PINX1: variants seen among roughly 807,000 people sequenced by gnomAD.
The protein encoded by PINX1 is PIN2/TERF1-interacting telomerase inhibitor 1.
In PINX1, 34 loss-of-function variants were observed where a neutral mutation model predicts 25.4. The observed-to-expected ratio is 1.34, with a 90% CI of 1.02 to 1.78. PINX1 has a LOEUF of 1.78. Among genes scored for constraint, PINX1 ranks in the 40% most tolerant of loss-of-function variants. PINX1 has a pLI of 0.00. For synonymous variants in PINX1, 197 were observed against 147.7 expected, an observed-to-expected ratio of 1.33 and a Z score of -2.42; for missense variants, 592 against 404.9, an observed-to-expected ratio of 1.46 and a Z score of -3.97.
At chr8:10,794,053 A>C (rs1298092745) in intron 6 of PINX1, among the ~76,000 whole-genome samples, 1 of 152,238 alleles carries the variant, frequency 6.6e-6, no homozygotes, top group Non-Finnish European at 1.5e-5. Context: ...AACAAATGTA[A>C]ACTGTTTTAA....
At chr8:10,780,077 T>C (rs1249625838) in intron 6 of PINX1, among the ~76,000 whole-genome samples, 1 of 152,268 alleles carries the variant, frequency 6.6e-6, no homozygotes, top group East Asian at 1.9e-4. Context: ...TCATGTATCC[T>C]GCAACTTTAC....
chr8:10,794,140 AG>A (rs1802010318), intron 6 of PINX1, among the ~76,000 whole-genome samples: 2 of 152,370 alleles, frequency 1.3e-5, no homozygotes, highest in Admixed American at 1.3e-4. Context: ...TTCAAAAGTG[AG>A]AACGTTATGA....
At chr8:10,770,181 T>C (rs1431799294) in intron 6 of PINX1, among the ~76,000 whole-genome samples, 3 of 152,242 alleles carry the variant, frequency 2.0e-5, no homozygotes, top group African/African-American at 7.2e-5. Context: ...GCTGGACAGC[T>C]TCCACCTGGA....
intron 6 of PINX1, among the ~76,000 whole-genome samples, chr8:10,819,212 A>C (rs1457097109): frequency 6.6e-6 from 1 of 152,242 alleles, no homozygotes; most frequent in Non-Finnish European, 1.5e-5. Context: ...GGAATCATCT[A>C]ATGAGACTTC....
At chr8:10,823,506 A>C (rs975865438) in intron 5 of PINX1, among the ~76,000 whole-genome samples, 1 of 151,934 alleles carries the variant, frequency 6.6e-6, no homozygotes, top group Admixed American at 6.5e-5. Context: ...ATCTGCAGAG[A>C]CCTTTTGCAT....
intron 6 of PINX1, among the ~76,000 whole-genome samples, chr8:10,777,518 T>C (rs540750255): frequency 6.6e-6 from 1 of 152,276 alleles, no homozygotes; most frequent in East Asian, 1.9e-4. Context: ...GCACCATGGC[T>C]GGCAATGAAC....
chr8:10,772,617 C>T (rs986858483), intron 6 of PINX1, among the ~76,000 whole-genome samples: 8 of 152,184 alleles, frequency 5.3e-5, no homozygotes, highest in Admixed American at 5.2e-4. Context: ...TGAGCAGCCT[C>T]GGGGAATTTG....
intron 6 of PINX1, among the ~76,000 whole-genome samples, chr8:10,791,383 C>T (rs117206435): frequency 0.012 from 1,780 of 152,290 alleles, 106 homozygotes; most frequent in Admixed American, 0.094. Flanking sequence ...ATGCTCAGTA[C>T]ACAGCATCCT....
At chr8:10,789,753 A>G (rs1340047679) in intron 6 of PINX1, among the ~76,000 whole-genome samples, 5 of 152,126 alleles carry the variant, frequency 3.3e-5, no homozygotes, top group Non-Finnish European at 7.3e-5. Flanking sequence ...CCTGCTTTTG[A>G]GACAGACAGG....
At chr8:10,836,695 G>A (rs1057313009) in intron 1 of PINX1, among the ~76,000 whole-genome samples, 20 of 150,846 alleles carry the variant, frequency 1.3e-4, no homozygotes, top group African/African-American at 3.9e-4. Flanking sequence ...TTGGGGGGGC[G>A]GGGGGTGGCA....
intron 6 of PINX1, among the ~76,000 whole-genome samples, chr8:10,814,191 T>C (rs898722089): frequency 1.3e-5 from 2 of 152,142 alleles, no homozygotes. Flanking sequence ...CAAATCAATA[T>C]ACAACAAAGA....
At chr8:10,788,310 C>T (rs919999951) in intron 6 of PINX1, among the ~76,000 whole-genome samples, 2 of 152,108 alleles carry the variant, frequency 1.3e-5, no homozygotes, top group African/African-American at 2.4e-5. Context: ...ATCTGTAATC[C>T]CAGCACTCTG....
chr8:10,804,985 C>T (rs187364159), intron 6 of PINX1, among the ~76,000 whole-genome samples: 2 of 151,988 alleles, frequency 1.3e-5, no homozygotes, highest in African/African-American at 2.4e-5. Flanking sequence ...GTTCACACCT[C>T]GGAATGAAGT....
chr8:10,818,255 G>C (rs545836893), intron 6 of PINX1, among the ~76,000 whole-genome samples: 8 of 152,252 alleles, frequency 5.3e-5, no homozygotes, highest in Admixed American at 5.2e-4. Context: ...ACACACACTG[G>C]ACCAAAAGAG....
chr8:10,819,537 G>C (rs183178827), intron 6 of PINX1, among the ~76,000 whole-genome samples: 1 of 152,136 alleles, frequency 6.6e-6, no homozygotes, highest in East Asian at 1.9e-4. Context: ...CTATATCCAG[G>C]GCTGTCTCTT....
At chr8:10,782,714 C>T (rs1356508725) in intron 6 of PINX1, among the ~76,000 whole-genome samples, 1 of 152,034 alleles carries the variant, frequency 6.6e-6, no homozygotes, top group Admixed American at 6.6e-5. Context: ...TCAACCTGGG[C>T]AACAAAGTGA....
intron 6 of PINX1, among the ~76,000 whole-genome samples, chr8:10,770,496 G>C (rs139336447): frequency 1.3e-5 from 2 of 152,334 alleles, no homozygotes; most frequent in East Asian, 3.9e-4. Flanking sequence ...CAGAATTAAA[G>C]TCTGTTCTGC....
intron 6 of PINX1, among the ~76,000 whole-genome samples, chr8:10,780,656 T>C (rs1372000498): frequency 6.6e-6 from 1 of 150,722 alleles, no homozygotes; most frequent in Non-Finnish European, 1.5e-5. Flanking sequence ...AAATTTAACA[T>C]AGGAGGTAAA....
At chr8:10,821,057 G>C (rs1374404600) in intron 5 of PINX1, among the ~76,000 whole-genome samples, 1 of 152,172 alleles carries the variant, frequency 6.6e-6, no homozygotes, top group Non-Finnish European at 1.5e-5. Flanking sequence ...GCCAAATCTA[G>C]TCCCATTTGT....
Sources: gnomAD v4.1 joint callset for allele counts (sites outside exome capture counted in the v4.1 genomes callset) on GRCh38, gnomAD v4.1.1 for gene constraint, MANE v1.5 for transcripts, NCBI Gene and HGNC (gene_info 2026-07-23, HGNC 2026-07-21) for gene names.